HDGFL1: variants seen among roughly 807,000 people sequenced by gnomAD.
HDGFL1 encodes HDGF like 1.
For synonymous variants in HDGFL1, 190 were observed against 165.1 expected, an observed-to-expected ratio of 1.15 and a Z score of -1.16; for missense variants, 422 against 365.3, an observed-to-expected ratio of 1.16 and a Z score of -1.27.
At position 22,571,257 on chromosome 6, in the gene HDGFL1, CAAG is replaced by C. The variant is rs1414591151; in HGVS notation, c.*932_*934del. 6.0e-6 allele frequency: 1 copy of C among 167,032 alleles called. No homozygotes were observed. Among genetic ancestry groups the C allele is most frequent in the East Asian group, 1.9e-4 (1 of 5,190 alleles). 10.3% of individuals were successfully genotyped at this position (167,032 alleles called of 1,614,324 possible). ...AAATCTTTTTAATAAAAGGAAGTTC[CAAG>C]AAGAATTTTTAAGAACTACCTCTAG... On this transcript the variant is annotated 3_prime_UTR_variant, in exon 1 of 1. Transcript: ENST00000510882.
Position 22,570,443 on chromosome 6 carries a change from GTCC to G in HDGFL1, c.*119_*121del, listed in dbSNP as rs1760905260. The G allele has an allele frequency of 4.2e-6, 5 of 1,180,388 alleles. No homozygotes were observed. The highest frequency in any genetic ancestry group is 3.6e-5 in the Admixed American group (1 of 27,720). 73.1% of individuals were successfully genotyped at this position (1,180,388 alleles called of 1,614,324 possible). A position where few individuals can be genotyped will look rare whatever the true frequency, so the allele number is the denominator to read the frequency against. ...GACTGCCTTTCCCTCTCCTCAGCCCGTCCTCCTCCAACCCGCGCTCCTTTGCCC... is the reference window on the plus strand; with the variant it reads ...GACTGCCTTTCCCTCTCCTCAGCCCGTCCTCCAACCCGCGCTCCTTTGCCC... On this transcript the variant is annotated 3_prime_UTR_variant, in exon 1 of 1. Transcript: ENST00000510882.
rs533772385 is a variant in HDGFL1, at chr6:22,571,498, C to G, written c.*1167C>G. 36 of 167,260 alleles carry G rather than the reference C, an allele frequency of 2.2e-4. No homozygotes were observed. Among genetic ancestry groups the G allele is most frequent in the African/African-American group, 8.7e-4 (36 of 41,586 alleles). The allele number at this position is 167,260 out of a possible 1,614,324, so 10.4% of individuals were successfully genotyped here. Reference sequence around the variant, plus strand: ...AGAGGAAGATGTGTCTCCTCCCACCCTCTTCCTAATGGTCATTATGCCTTT... The same window carrying G: ...AGAGGAAGATGTGTCTCCTCCCACCGTCTTCCTAATGGTCATTATGCCTTT... On this transcript the variant is annotated 3_prime_UTR_variant, in exon 1 of 1. Transcript: ENST00000510882.
In HDGFL1 at chr6:22,570,248, C is replaced by G; in HGVS notation, c.673C>G (p.Arg225Gly). Reference sequence around the variant, plus strand: ...GCCTCAGCCAGAGGAGGAGGAGCTCCGGGAGGAAGAAGTCGCGGACGAGGA... The same window carrying G: ...GCCTCAGCCAGAGGAGGAGGAGCTCGGGGAGGAAGAAGTCGCGGACGAGGA... ...EPPQPEEEEL[R>G]EEEVADEEAS... is the part of the protein sequence containing the mutation. Residue 225 changes from arginine to glycine, a missense_variant, in exon 1 of 1, where the codon CGG (arginine) becomes GGG (glycine). By Grantham distance (125) the Arg-to-Gly change is moderately radical. Coordinates refer to ENST00000510882, the MANE Select transcript of HDGFL1 (RefSeq NM_138574.4). 8.4e-6 allele frequency: 13 copies of G among 1,555,894 alleles called. No individual in the cohort carries two copies. Among genetic ancestry groups the G allele is most frequent in the Non-Finnish European group, 1.0e-5 (12 of 1,157,552 alleles).
At chr6:22,570,137 G>GCGGCGACGGCCGT in the HDGFL1 span, 1 of 1,532,178 alleles carries the variant, frequency 6.5e-7, no homozygotes, top group Non-Finnish European at 8.8e-7. Flanking sequence ...GGCGGCGGCG[G>GCGGCGACGGCCGT]CGACGGCCGT....
rs1352675516 is a variant in HDGFL1, at chr6:22,569,894, C to T, written c.319C>T (p.Pro107Ser). Residue 107 changes from proline to serine, a missense_variant, in exon 1 of 1, where the codon CCG becomes TCG. Coordinates refer to ENST00000510882, the MANE Select transcript of HDGFL1 (RefSeq NM_138574.4). ...GAAGGGCAGCGGAGACGGGCCTTGG[C>T]CGGAGCCCGAGGCCGCAGAGGGCGA... is the stretch of plus-strand genomic sequence containing the variant. ...SEKGSGDGPW[P>S]EPEAAEGDED... 6.4e-7 allele frequency: 1 copy of T among 1,563,888 alleles called. No homozygotes were observed. The highest frequency in any genetic ancestry group is 8.7e-7 in the Non-Finnish European group (1 of 1,153,496).
chr6:22,569,719 G>A lies in HDGFL1; in HGVS notation c.144G>A (p.Thr48=), dbSNP rs142183115. The A allele has an allele frequency of 2.3e-4, 379 of 1,614,150 alleles. 1 individual carries two copies. In the African/African-American group the frequency reaches 4.6e-3, roughly 20 times the overall value. ...YQVFFFGTHE[T]AFLSPKRLFP... ...TGTTTTTCTTCGGGACCCACGAGAC[G>A]GCCTTCCTGAGTCCCAAACGCCTGT... is the stretch of plus-strand genomic sequence containing the variant. The change falls in exon 1 of 1, where the codon ACG becomes ACA. Residue 48 remains threonine, a synonymous_variant. Transcript: ENST00000510882.
rs1351924069 is a variant in HDGFL1 at position 22,570,662 on chromosome 6, C to G, written c.*331C>G. The G allele has an allele frequency of 3.4e-6, 1 of 290,246 alleles. No homozygotes were observed. Among genetic ancestry groups the G allele is most frequent in the Admixed American group, 6.4e-5 (1 of 15,656 alleles). The allele number at this position is 290,246 out of a possible 1,614,324, so 18.0% of individuals were successfully genotyped here. ...CCCCCGCCCACTCGTTGCCTGATTCCGTTTCCGACTTGGGGTTCAGGCAGG... is the reference window on the plus strand; with the variant it reads ...CCCCCGCCCACTCGTTGCCTGATTCGGTTTCCGACTTGGGGTTCAGGCAGG... On this transcript the variant is annotated 3_prime_UTR_variant, in exon 1 of 1. Transcript: ENST00000510882.
chr6:22,570,212 G>T lies in HDGFL1; in HGVS notation c.637G>T (p.Val213Phe), dbSNP rs866923579. 1.3e-6 allele frequency: 2 copies of T among 1,567,682 alleles called. No homozygotes were observed. Among genetic ancestry groups the T allele is most frequent in the African/African-American group, 1.3e-5 (1 of 74,244 alleles). Residue 213 changes from valine to phenylalanine, a missense_variant, in exon 1 of 1, where the codon GTC (valine) becomes TTC (phenylalanine). Coordinates refer to ENST00000510882, the MANE Select transcript of HDGFL1 (RefSeq NM_138574.4). Reference sequence around the variant, plus strand: ...CAGCGCCCCTAGCGAGCCGGGCCTGGTCTGCGAGCCGCCTCAGCCAGAGGA... The same window carrying T: ...CAGCGCCCCTAGCGAGCCGGGCCTGTTCTGCGAGCCGCCTCAGCCAGAGGA... ...NGSAPSEPGLVCEPPQPEEEE... is the reference protein window; with the variant it reads ...NGSAPSEPGLFCEPPQPEEEE...
At position 22,570,220 on chromosome 6, in the gene HDGFL1, G is replaced by A. The variant is rs764243608; in HGVS notation, c.645G>A (p.Glu215=). 2.4e-5 allele frequency: 38 copies of A among 1,565,052 alleles called. No individual in the cohort carries two copies. Among genetic ancestry groups the A allele is most frequent in the Middle Eastern group, 1.7e-4 (1 of 5,784 alleles). The change falls in exon 1 of 1, where the codon GAG becomes GAA. Residue 215 remains glutamate, a synonymous_variant. Transcript: ENST00000510882. ...SAPSEPGLVC[E]PPQPEEEELR... is the part of the protein sequence containing the mutation. ...CTAGCGAGCCGGGCCTGGTCTGCGA[G>A]CCGCCTCAGCCAGAGGAGGAGGAGC...
At position 22,570,790 on chromosome 6, in the gene HDGFL1, A is replaced by C; in HGVS notation, c.*459A>C. 5.8e-6 allele frequency: 1 copy of C among 172,466 alleles called. No homozygotes were observed. The highest frequency in any genetic ancestry group is 1.4e-5 in the Non-Finnish European group (1 of 72,068). The allele number at this position is 172,466 out of a possible 1,614,324, so 10.7% of individuals were successfully genotyped here. ...TAGGAGTGAAAGGCCTGGCAGATAA[A>C]GAGCAGAGGGCACTTGCAGGGCCTG... On this transcript the variant is annotated 3_prime_UTR_variant, in exon 1 of 1. Transcript: ENST00000510882.
At position 22,570,461 on chromosome 6, in the gene HDGFL1, C is replaced by A; in HGVS notation, c.*130C>A. On this transcript the variant is annotated 3_prime_UTR_variant, in exon 1 of 1. Coordinates refer to ENST00000510882, the MANE Select transcript of HDGFL1 (RefSeq NM_138574.4). ...TCAGCCCGTCCTCCTCCAACCCGCGCTCCTTTGCCCTGCCGGGCCCCAGGA... is the reference window on the plus strand; with the variant it reads ...TCAGCCCGTCCTCCTCCAACCCGCGATCCTTTGCCCTGCCGGGCCCCAGGA... 1.0e-6 allele frequency: 1 copy of A among 982,354 alleles called. No individual in the cohort carries two copies. The highest frequency in any genetic ancestry group is 1.4e-6 in the Non-Finnish European group (1 of 718,340). The allele number at this position is 982,354 out of a possible 1,614,324, so 60.9% of individuals were successfully genotyped here.
rs1410632698 is a variant in HDGFL1, at chr6:22,569,956, C to T, written c.381C>T (p.Asp127=). Residue 127 remains aspartate, a synonymous_variant, in exon 1 of 1, where the codon GAC becomes GAT. Transcript: ENST00000510882. ...DKPTHAGGGG[D]ELGKPDDDKP... The stretch of plus-strand genomic sequence containing the variant: ...CGACCCACGCTGGTGGCGGCGGCGA[C>T]GAATTGGGGAAGCCGGACGACGACA... 6.4e-7 allele frequency: 1 copy of T among 1,551,292 alleles called. No homozygotes were observed. Among genetic ancestry groups the T allele is most frequent in the African/African-American group, 1.4e-5 (1 of 73,188 alleles).
In HDGFL1 at chr6:22,570,259, A is replaced by C; in HGVS notation, c.684A>C (p.Glu228Asp). 2 of 1,546,076 alleles carry C rather than the reference A, an allele frequency of 1.3e-6. No homozygotes were observed. Among genetic ancestry groups the C allele is most frequent in the Non-Finnish European group, 1.7e-6 (2 of 1,152,498 alleles). The change falls in exon 1 of 1, where the codon GAA (glutamate) becomes GAC (aspartate). Residue 228 changes from glutamate (E) to aspartate (D), a missense_variant. Coordinates refer to ENST00000510882, the MANE Select transcript of HDGFL1 (RefSeq NM_138574.4). ...QPEEEELREE[E>D]VADEEASQEW... ...AGGAGGAGGAGCTCCGGGAGGAAGA[A>C]GTCGCGGACGAGGAGGCCTCCCAGG... is the stretch of plus-strand genomic sequence containing the variant.
Position 22,570,206 on chromosome 6 carries a change from G to GGCCTGGTCTGCGAGCCGC in HDGFL1, c.632_649dup (p.Pro216_Pro217insArgLeuValCysGluPro), listed in dbSNP as rs780069999. 40 of 1,567,120 alleles carry GGCCTGGTCTGCGAGCCGC rather than the reference G, an allele frequency of 2.6e-5. No homozygotes were observed. Among genetic ancestry groups the GGCCTGGTCTGCGAGCCGC allele is most frequent in the Admixed American group, 1.9e-5 (1 of 52,394 alleles). The stretch of plus-strand genomic sequence containing the variant: ...GAACGGCAGCGCCCCTAGCGAGCCG[G>GGCCTGGTCTGCGAGCCGC]GCCTGGTCTGCGAGCCGCCTCAGCC... On this transcript the variant is annotated inframe_insertion, in exon 1 of 1. Coordinates refer to ENST00000510882, the MANE Select transcript of HDGFL1 (RefSeq NM_138574.4).
rs1471892834 is a variant in HDGFL1 at position 22,570,174 on chromosome 6, C to T, written c.599C>T (p.Ala200Val). 1.9e-6 allele frequency: 3 copies of T among 1,559,216 alleles called. No individual in the cohort carries two copies. Among genetic ancestry groups the T allele is most frequent in the Non-Finnish European group, 1.7e-6 (2 of 1,156,420 alleles). Reference sequence around the variant, plus strand: ...GACGAGGAGAGTCCGTTCCTCGTGGCGGTGGAGAACGGCAGCGCCCCTAGC... The same window carrying T: ...GACGAGGAGAGTCCGTTCCTCGTGGTGGTGGAGAACGGCAGCGCCCCTAGC... Reference protein sequence around the residue: ...AVDEESPFLVAVENGSAPSEP... With the variant: ...AVDEESPFLVVVENGSAPSEP... Residue 200 changes from alanine (A) to valine (V), a missense_variant, in exon 1 of 1, where the codon GCG becomes GTG. Coordinates refer to ENST00000510882, the MANE Select transcript of HDGFL1 (RefSeq NM_138574.4).
chr6:22,570,464 C>T lies in HDGFL1; in HGVS notation c.*133C>T, dbSNP rs1327531653. On this transcript the variant is annotated 3_prime_UTR_variant, in exon 1 of 1. Coordinates refer to ENST00000510882, the MANE Select transcript of HDGFL1 (RefSeq NM_138574.4). ...GCCCGTCCTCCTCCAACCCGCGCTC[C>T]TTTGCCCTGCCGGGCCCCAGGATGG... is the stretch of plus-strand genomic sequence containing the variant. 3 of 969,912 alleles carry T rather than the reference C, an allele frequency of 3.1e-6. No homozygotes were observed. Among genetic ancestry groups the T allele is most frequent in the Non-Finnish European group, 4.2e-6 (3 of 707,850 alleles). 60.1% of individuals were successfully genotyped at this position (969,912 alleles called of 1,614,324 possible).
Position 22,569,792 on chromosome 6 carries a change from C to T in HDGFL1, c.217C>T (p.Arg73Cys). 1 of 1,614,004 alleles carries T rather than the reference C, an allele frequency of 6.2e-7. No individual in the cohort carries two copies. The highest frequency in any genetic ancestry group is 1.1e-5 in the South Asian group (1 of 91,064). ...KEKFGKPNKR[R>C]GFSAGLWEIE... ...GAAGTTCGGCAAGCCCAACAAGAGG[C>T]GCGGCTTCAGCGCGGGGCTGTGGGA... is the stretch of plus-strand genomic sequence containing the variant. Residue 73 changes from arginine (R) to cysteine (C), a missense_variant, in exon 1 of 1, where the codon CGC becomes TGC. Coordinates refer to ENST00000510882, the MANE Select transcript of HDGFL1 (RefSeq NM_138574.4).
In HDGFL1 at chr6:22,570,842, GT is replaced by G. The variant is rs1410358440; in HGVS notation, c.*513del. The G allele has an allele frequency of 1.2e-5, 2 of 168,570 alleles. No individual in the cohort carries two copies. Among genetic ancestry groups the G allele is most frequent in the Non-Finnish European group, 2.9e-5 (2 of 69,296 alleles). 10.4% of individuals were successfully genotyped at this position (168,570 alleles called of 1,614,324 possible). On this transcript the variant is annotated 3_prime_UTR_variant, in exon 1 of 1. Coordinates refer to ENST00000510882, the MANE Select transcript of HDGFL1 (RefSeq NM_138574.4). ...GATGAGCAGTCTTCAAGCTGTGGTA[GT>G]TAGCGGGCAGGAGAGCGACATCTTC...
In HDGFL1 at chr6:22,569,856, C is replaced by G. The variant is rs202131804; in HGVS notation, c.281C>G (p.Pro94Arg). 1.9e-4 allele frequency: 302 copies of G among 1,600,484 alleles called. 2 individuals are homozygous for G. In the East Asian group the frequency reaches 6.5e-3, roughly 35 times the overall value. ...CCCACGGTCCAGGCCTCCGACTGCC[C>G]ATTAGCCTCAGAGAAGGGCAGCGGA... Reference protein sequence around the residue: ...NNPTVQASDCPLASEKGSGDG... With the variant: ...NNPTVQASDCRLASEKGSGDG... The change falls in exon 1 of 1, where the codon CCA (proline) becomes CGA (arginine). Residue 94 changes from proline (P) to arginine (R), a missense_variant. Pro to Arg is a moderately radical substitution (Grantham distance 103). Coordinates refer to ENST00000510882, the MANE Select transcript of HDGFL1 (RefSeq NM_138574.4).
Sources: allele counts gnomAD v4.1 joint callset, GRCh38; gene constraint gnomAD v4.1.1; transcripts MANE v1.5; gene names NCBI Gene and HGNC (gene_info 2026-07-23, HGNC 2026-07-21).